Variants in ENPP3 observed in about 807,000 individuals in gnomAD.
The protein encoded by ENPP3 is ectonucleotide pyrophosphatase/phosphodiesterase 3.
ENPP3 carries 104 observed loss-of-function variants against 117.8 expected under a neutral mutation model. The observed-to-expected ratio is 0.88, with a 90% CI of 0.75 to 1.04. The LOEUF (loss-of-function observed/expected upper bound fraction) is 1.04. Ranked by LOEUF, ENPP3 falls within the 50% of genes least tolerant of loss-of-function variation. The pLI is 0.00. For missense variants in ENPP3, 1,026 were observed against 1,051.9 expected, an observed-to-expected ratio of 0.98 and a Z score of 0.34; for synonymous variants, 380 against 349.9, an observed-to-expected ratio of 1.09 and a Z score of -0.96.
In ENPP3 at chr6:131,733,679, A is replaced by C; in HGVS notation, c.2045A>C (p.Tyr682Ser). ...PPSESQKCSF[Y>S]LADKNITHGF... ...TCTGAGAGCCAAAAATGTTCCTTCT[A>C]TTTAGCAGACAAGAATATCACCCAC... The change falls in exon 21 of 25, where the codon TAT becomes TCT. Residue 682 changes from tyrosine to serine, a missense_variant. Coordinates refer to ENST00000357639, the MANE Select transcript of ENPP3 (RefSeq NM_005021.5). 6.2e-7 allele frequency: 1 copy of C among 1,614,098 alleles called. No homozygotes were observed. The highest frequency in any genetic ancestry group is 1.1e-5 in the South Asian group (1 of 91,076).
At chr6:131,657,303 C>T (rs183882882) in intron 5 of ENPP3, among the ~76,000 whole-genome samples, 1 of 152,212 alleles carries the variant, frequency 6.6e-6, no homozygotes, top group East Asian at 1.9e-4. Flanking sequence ...AATATTTCCA[C>T]CATCCCAGAA....
intron 14 of ENPP3, among the ~76,000 whole-genome samples, chr6:131,687,589 A>T (rs1045302734): frequency 6.6e-6 from 1 of 152,196 alleles, no homozygotes; most frequent in South Asian, 2.1e-4. Flanking sequence ...GGGAGGAGAT[A>T]TTCACAAACT....
chr6:131,693,761 AT>A, intron 15 of ENPP3, 137 bp downstream of exon 15: 1 of 808,542 alleles, frequency 1.2e-6, no homozygotes. Flanking sequence ...TTTGTATGCT[AT>A]TTAGCAGTTC....
intron 14 of ENPP3, among the ~76,000 whole-genome samples, chr6:131,686,914 T>C (rs1020743459): frequency 2.0e-5 from 3 of 152,206 alleles, no homozygotes; most frequent in Admixed American, 2.0e-4. Context: ...CAATATACCA[T>C]TGTTGAGCAC....
intron 21 of ENPP3, 99 bp downstream of exon 21, chr6:131,733,822 C>A: frequency 7.9e-7 from 1 of 1,262,866 alleles, no homozygotes; most frequent in Non-Finnish European, 1.1e-6. Flanking sequence ...AAACTACCTG[C>A]TTGGGTAAGC....
chr6:131,724,197 T>A (rs1780098489), intron 19 of ENPP3, 106 bp downstream of exon 19: 5 of 591,512 alleles, frequency 8.5e-6, no homozygotes, highest in East Asian at 4.5e-5. Context: ...TTCCTGAACA[T>A]AAAGATTTTA....
At chr6:131,649,695 A>G (rs112469236) in intron 2 of ENPP3, among the ~76,000 whole-genome samples, 7,944 of 152,230 alleles carry the variant, frequency 0.052, 361 homozygotes, top group African/African-American at 0.12. Flanking sequence ...AGCTAGGACC[A>G]TAGGCGTGCA....
At chr6:131,725,461 T>C (rs1780135227) in intron 19 of ENPP3, among the ~76,000 whole-genome samples, 1 of 152,082 alleles carries the variant, frequency 6.6e-6, no homozygotes, top group African/African-American at 2.4e-5. Flanking sequence ...CTAGGGTGTC[T>C]TTGATGAAAG....
chr6:131,653,041 C>T, intron 5 of ENPP3, 150 bp downstream of exon 5: 1 of 505,986 alleles, frequency 2.0e-6, no homozygotes, highest in Non-Finnish European at 3.5e-6. Context: ...CTTGTGGCTT[C>T]CAAGTTCTAA....
At chr6:131,640,284 G>C (rs1226178143) in intron 1 of ENPP3, among the ~76,000 whole-genome samples, 1 of 152,278 alleles carries the variant, frequency 6.6e-6, no homozygotes, top group East Asian at 1.9e-4. Context: ...AGTTTCAGTC[G>C]ACTGTGTCTT....
In ENPP3 at chr6:131,741,250, A is replaced by G. The variant is rs1162702768; in HGVS notation, c.2457+870A>G. 3.9e-5 allele frequency among the ~76,000 whole-genome samples: 6 copies of G among 152,204 alleles called. No homozygotes were observed. In the East Asian group the frequency reaches 1.2e-3, roughly 29 times the overall value. ...AACATATTGAGTACCTATTAAGCAC[A>G]TAGTATCATGATAGAAACTCTTTAG... On this transcript the variant is annotated intron_variant, in intron 24 of 24. Coordinates refer to ENST00000357639, the MANE Select transcript of ENPP3 (RefSeq NM_005021.5).
intron 7 of ENPP3, 43 bp downstream of exon 7, chr6:131,671,370 C>A: frequency 2.6e-6 from 3 of 1,147,552 alleles, no homozygotes; most frequent in Non-Finnish European, 3.9e-6. Context: ...AAGACCAGAA[C>A]TGACCACATA....
intron 15 of ENPP3, chr6:131,701,021 G>T (rs1284783124): frequency 2.6e-5 from 14 of 542,706 alleles, no homozygotes; most frequent in East Asian, 1.8e-4. Context: ...ATCGGAGGGG[G>T]TGGCAGATGG....
At position 131,674,274 on chromosome 6, in the gene ENPP3, G is replaced by C; in HGVS notation, c.755G>C (p.Gly252Ala). The C allele has an allele frequency of 6.2e-7, 1 of 1,613,466 alleles. No individual in the cohort carries two copies. Among genetic ancestry groups the C allele is most frequent in the Non-Finnish European group, 8.5e-7 (1 of 1,179,588 alleles). ...KEQNNPAWWHGQPMWLTAMYQ... is the reference protein window; with the variant it reads ...KEQNNPAWWHAQPMWLTAMYQ... ...CAAAATAATCCAGCCTGGTGGCATGGGCAACCAGTATGTAGCATTCTACAC... is the reference window on the plus strand; with the variant it reads ...CAAAATAATCCAGCCTGGTGGCATGCGCAACCAGTATGTAGCATTCTACAC... The change falls in exon 8 of 25, where the codon GGG (glycine) becomes GCG (alanine). Residue 252 changes from glycine to alanine, a missense_variant. By Grantham distance (60) the Gly-to-Ala change is moderately conservative (BLOSUM62 0). Transcript: ENST00000357639.
At chr6:131,700,750 T>C (rs1779507756) in intron 15 of ENPP3, 1 of 1,520,430 alleles carries the variant, frequency 6.6e-7, no homozygotes, top group South Asian at 1.2e-5. Flanking sequence ...AGGATGCACA[T>C]ATATGAAACT....
chr6:131,747,293 A>T lies in ENPP3; in HGVS notation c.*337A>T, dbSNP rs1195067461. On this transcript the variant is annotated 3_prime_UTR_variant, in exon 25 of 25. Transcript: ENST00000357639. ...TATTTTTCTGCCCAGAATTATCTAA[A>T]CAAAAGGGAGAACAAAAGAAGTATG... The T allele has an allele frequency of 6.4e-6, 1 of 156,664 alleles. No homozygotes were observed. Among genetic ancestry groups the T allele is most frequent in the Non-Finnish European group, 1.4e-5 (1 of 71,162 alleles). 9.7% of individuals were successfully genotyped at this position (156,664 alleles called of 1,614,324 possible).
Position 131,637,423 on chromosome 6 carries a change from TAAG to T in ENPP3, c.45_47del (p.Lys15del), listed in dbSNP as rs1317058080. 1.3e-6 allele frequency: 2 copies of T among 1,596,392 alleles called. No individual in the cohort carries two copies. The highest frequency in any genetic ancestry group is 1.1e-5 in the South Asian group (1 of 87,424). ...TGACTTTAGCAACGGAACAACCTGT[TAAG>T]AAGAACACTCTTAAGAAATATAAAA... On this transcript the variant is annotated inframe_deletion, in exon 1 of 25. Transcript: ENST00000357639.
At chr6:131,676,948 A>G in intron 10 of ENPP3, 147 bp downstream of exon 10, 1 of 597,442 alleles carries the variant, frequency 1.7e-6, no homozygotes. Context: ...TTCATGAATT[A>G]TTCCTGGCTG....
At chr6:131,688,359 A>G (rs1779202291) in intron 14 of ENPP3, among the ~76,000 whole-genome samples, 1 of 152,200 alleles carries the variant, frequency 6.6e-6, no homozygotes, top group Admixed American at 6.5e-5. Context: ...GTTAAAGTAA[A>G]AGGAATAGTG....
Sources: allele counts gnomAD v4.1 joint callset (sites outside exome capture counted in the v4.1 genomes callset), GRCh38; gene constraint gnomAD v4.1.1; transcripts MANE v1.5; gene names NCBI Gene and HGNC (gene_info 2026-07-23, HGNC 2026-07-21).